Variants in MINK1 observed in about 807,000 individuals in gnomAD.
MINK1 encodes the protein misshapen-like kinase 1.
MINK1 carries 46 observed loss-of-function variants against 178.4 expected under a neutral mutation model. That is an observed-to-expected ratio of 0.26 (90% CI 0.20 to 0.33). The LOEUF is 0.33. Ranked by LOEUF, MINK1 falls within the 10% of genes least tolerant of loss-of-function variation. The pLI, the probability that MINK1 is intolerant of heterozygous loss-of-function variation, is 1.00. For synonymous variants in MINK1, 797 were observed against 709.7 expected (o/e 1.12, Z -1.96); for missense variants, 1,366 against 1,814.9 (o/e 0.75, Z 4.49).
chr17:4,895,701 A>C lies in MINK1; in HGVS notation c.3233A>C (p.Lys1078Thr). 1 of 1,613,290 alleles carries C rather than the reference A, an allele frequency of 6.2e-7. No individual in the cohort carries two copies. The highest frequency in any genetic ancestry group is 8.5e-7 in the Non-Finnish European group (1 of 1,179,602). The change falls in exon 27 of 32, where the codon AAA (lysine) becomes ACA (threonine). Residue 1078 changes from lysine to threonine, a missense_variant. By Grantham distance (78) the Lys-to-Thr change is moderately conservative. Coordinates refer to ENST00000355280, the MANE Select transcript of MINK1 (RefSeq NM_153827.5). This position sits in a 1 kb window ranked among gnomAD's most constrained non-coding sequence, Gnocchi z 4.3. ...GLNLLITISG[K>T]RNKLRVYYLS... ...TGTATGTCTGTCCGTCCCTCAGGGAAAAGGAACAAACTGCGGGTGTATTAC... is the reference window on the plus strand; with the variant it reads ...TGTATGTCTGTCCGTCCCTCAGGGACAAGGAACAAACTGCGGGTGTATTAC...
intron 2 of MINK1, among the ~76,000 whole-genome samples, chr17:4,880,540 G>A (rs1967598766): frequency 6.7e-6 from 1 of 149,088 alleles, no homozygotes; most frequent in East Asian, 2.0e-4. Flanking sequence ...GCCTGCCTCG[G>A]CCTCCCAAAG....
chr17:4,892,342 AG>A (rs1968917723), intron 17 of MINK1, 59 bp from the exon 18 acceptor site: 7 of 1,451,874 alleles, frequency 4.8e-6, no homozygotes, highest in Non-Finnish European at 5.6e-6. Context: ...GGAAAGCCCC[AG>A]CCCCATCACC....
intron 21 of MINK1, 133 bp from the exon 22 acceptor site, chr17:4,893,855 C>T: frequency 1.1e-6 from 1 of 875,810 alleles, no homozygotes; most frequent in Non-Finnish European, 1.7e-6. Context: ...GGAGCAGGGG[C>T]TACACCGTGA....
chr17:4,885,376 C>A lies in MINK1; in HGVS notation c.509-107C>A. On this transcript the variant is annotated intron_variant, in intron 6 of 31. Coordinates refer to ENST00000355280, the MANE Select transcript of MINK1 (RefSeq NM_153827.5). This position sits in a 1 kb window ranked among gnomAD's most constrained non-coding sequence, Gnocchi z 5.0. ...AGGGTGCTGGGGTGTCTGGGTCGGG[C>A]CAGGACCACAGCTGGCTCAGGCAAG... The A allele has an allele frequency of 1.3e-6, 2 of 1,485,706 alleles. No homozygotes were observed. Among genetic ancestry groups the A allele is most frequent in the East Asian group, 2.3e-5 (1 of 44,006 alleles). The allele number at this position is 1,485,706 out of a possible 1,614,324, so 92.0% of individuals were successfully genotyped here. A position where few individuals can be genotyped will look rare whatever the true frequency, so the allele number is the denominator to read the frequency against.
intron 1 of MINK1, among the ~76,000 whole-genome samples, chr17:4,859,863 T>TA (rs112114937): frequency 2.0e-4 from 29 of 142,604 alleles, no homozygotes; most frequent in Non-Finnish European, 2.6e-4. Context: ...CTAAAGTACT[T>TA]AAAAAAAAAA....
chr17:4,896,544 T>G lies in MINK1; in HGVS notation c.3731T>G (p.Ile1244Ser), dbSNP rs758096782. Residue 1244 changes from isoleucine (I) to serine (S), a missense_variant, in exon 30 of 32, where the codon ATT becomes AGT. By Grantham distance (142) the Ile-to-Ser change is moderately radical. Around this residue, in one of 14 missense-constraint regions of MINK1, gnomAD observed 201 missense variants for 240.7 expected, o/e 0.84. Coordinates refer to ENST00000355280, the MANE Select transcript of MINK1 (RefSeq NM_153827.5). The surrounding 1 kb of genome is among the most constrained non-coding windows in gnomAD (Gnocchi z 4.6). Reference protein sequence around the residue: ...GVYVNTYGRIIKDVVLQWGEM... With the variant: ...GVYVNTYGRISKDVVLQWGEM... ...TACGTCAACACGTACGGGCGCATCA[T>G]TAAGGATGTGGTGCTGCAGTGGGGG... The G allele has an allele frequency of 6.2e-7, 1 of 1,613,918 alleles. No homozygotes were observed.
chr17:4,859,951 C>G (rs997702946), intron 1 of MINK1, among the ~76,000 whole-genome samples: 2 of 151,684 alleles, frequency 1.3e-5, no homozygotes, highest in Non-Finnish European at 1.5e-5. Flanking sequence ...GAGCCGGGTA[C>G]AGAGGGAAGG....
intron 1 of MINK1, among the ~76,000 whole-genome samples, chr17:4,865,203 G>A (rs892928656): frequency 2.0e-5 from 3 of 152,064 alleles, no homozygotes; most frequent in Non-Finnish European, 4.4e-5. Flanking sequence ...GGCCGAGGCG[G>A]GCAGATCACC....
rs773425376 is a variant in MINK1, at chr17:4,896,981, T to C, written c.3915+168T>C. 27 of 1,033,966 alleles carry C rather than the reference T, an allele frequency of 2.6e-5. No individual in the cohort carries two copies. The highest frequency in any genetic ancestry group is 3.7e-5 in the Non-Finnish European group (27 of 723,592). 64.0% of individuals were successfully genotyped at this position (1,033,966 alleles called of 1,614,324 possible). ...ACCACTGCCCTGCGCTCCCTTCAGA[T>C]TCCGAGGACTTCCCAGCTGGCCCCC... On this transcript the variant is annotated intron_variant, in intron 31 of 31. Coordinates refer to ENST00000355280, the MANE Select transcript of MINK1 (RefSeq NM_153827.5). The surrounding 1 kb of genome is among the most constrained non-coding windows in gnomAD (Gnocchi z 4.6).
chr17:4,891,458 C>G lies in MINK1; in HGVS notation c.1743C>G (p.Ser581Arg), dbSNP rs758847172. 9 of 1,572,060 alleles carry G rather than the reference C, an allele frequency of 5.7e-6. No homozygotes were observed. The South Asian group carries it at 8.2e-5, about 14-fold the overall frequency. Residue 581 changes from serine to arginine, a missense_variant and splice_region_variant, in exon 16 of 32, where the codon AGC becomes AGG. Ser to Arg is a moderately radical substitution (Grantham distance 110). Coordinates refer to ENST00000355280, the MANE Select transcript of MINK1 (RefSeq NM_153827.5). Reference protein sequence around the residue: ...PVEPQEGPHKSLVAHRVPLKP... With the variant: ...PVEPQEGPHKRLVAHRVPLKP... The stretch of plus-strand genomic sequence containing the variant: ...CCCTCCCTGGTCTCTCCCTGCAGAG[C>G]CTGGTGGCACACCGGGTCCCACTGA...
In MINK1 at chr17:4,893,226, T is replaced by TCCTAACCTCG. The variant is rs1969053081; in HGVS notation, c.2400+160_2400+161insCTAACCTCGC. 8 of 1,531,662 alleles carry TCCTAACCTCG rather than the reference T, an allele frequency of 5.2e-6. No individual in the cohort carries two copies. The East Asian group carries it at 1.3e-4, about 26-fold the overall frequency. The allele number at this position is 1,531,662 out of a possible 1,614,324, so 94.9% of individuals were successfully genotyped here. A position where few individuals can be genotyped will look rare whatever the true frequency, so the allele number is the denominator to read the frequency against. ...CATGGTGCTAACCTTTCCTAACCTCTCTCCTAACCTCTCTCCTAACCTCTC... is the reference window on the plus strand; with the variant it reads ...CATGGTGCTAACCTTTCCTAACCTCTCCTAACCTCGCTCCTAACCTCTCTCCTAACCTCTC... On this transcript the variant is annotated intron_variant, in intron 20 of 31. Coordinates refer to ENST00000355280, the MANE Select transcript of MINK1 (RefSeq NM_153827.5).
In MINK1 at chr17:4,892,734, C is replaced by T. The variant is rs56291861; in HGVS notation, c.2277C>T (p.Pro759=). The change falls in exon 19 of 32, where the codon CCC becomes CCT. Residue 759 remains proline, a synonymous_variant. Transcript: ENST00000355280. The part of the protein sequence containing the change: ...SVLPASHGHL[P]QAGSLERNRV... ...TTCCAGCCTCTCACGGGCACCTCCC[C>T]CAGGCTGGCTCACTGGAGCGGAACC... The T allele has an allele frequency of 6.2e-7, 1 of 1,611,894 alleles. No individual in the cohort carries two copies. The highest frequency in any genetic ancestry group is 1.7e-4 in the Middle Eastern group (1 of 6,058).
In MINK1 at chr17:4,894,551, C is replaced by T. The variant is rs1449766593; in HGVS notation, c.2835C>T (p.Ala945=). The T allele has an allele frequency of 6.2e-7, 1 of 1,607,004 alleles. No homozygotes were observed. ...GDYQSRGLVK[A]PGKSSFTMFV... is the part of the protein sequence containing the mutation. ...ACCAGTCTCGTGGGCTGGTAAAGGCCCCTGGCAAGAGCTCGTTCACGATGT... is the reference window on the plus strand; with the variant it reads ...ACCAGTCTCGTGGGCTGGTAAAGGCTCCTGGCAAGAGCTCGTTCACGATGT... The change falls in exon 24 of 32, where the codon GCC becomes GCT. Residue 945 remains alanine (A), a synonymous_variant. Transcript: ENST00000355280. This position sits in a 1 kb window ranked among gnomAD's most constrained non-coding sequence, Gnocchi z 4.1.
chr17:4,895,274 C>G lies in MINK1; in HGVS notation c.3085+32C>G. On this transcript the variant is annotated intron_variant, in intron 25 of 31. Coordinates refer to ENST00000355280, the MANE Select transcript of MINK1 (RefSeq NM_153827.5). The surrounding 1 kb of genome is among the most constrained non-coding windows in gnomAD (Gnocchi z 4.3). Reference sequence around the variant, plus strand: ...CAGGGCAGGGACAGCTGAGGAGGCTCTGGCGTGGCTCTTGTGCTCCTGGTT... The same window carrying G: ...CAGGGCAGGGACAGCTGAGGAGGCTGTGGCGTGGCTCTTGTGCTCCTGGTT... The G allele has an allele frequency of 2.5e-6, 4 of 1,612,174 alleles. No individual in the cohort carries two copies. The South Asian group carries it at 4.4e-5, about 18-fold the overall frequency.
chr17:4,852,023 A>AAC (rs1912076463), intron 1 of MINK1, among the ~76,000 whole-genome samples: 1 of 133,910 alleles, frequency 7.5e-6, no homozygotes, highest in Non-Finnish European at 1.6e-5. Context: ...AAAAAAAAAA[A>AAC]AAAACTAAGA....
intron 1 of MINK1, among the ~76,000 whole-genome samples, chr17:4,865,548 C>A (rs183135667): frequency 1.1e-3 from 166 of 151,618 alleles, no homozygotes; most frequent in African/African-American, 3.9e-3. Flanking sequence ...CTATGTGGAA[C>A]AGCTACATAG....
rs187934334 is a variant in MINK1, at chr17:4,884,264, C to G, written c.307-99C>G. On this transcript the variant is annotated intron_variant, in intron 4 of 31. Coordinates refer to ENST00000355280, the MANE Select transcript of MINK1 (RefSeq NM_153827.5). ...CTCATACCAGTTCTAACCCCAAGGT[C>G]TCTTATCCTCCTCCAGGAGTCTAGC... is the stretch of plus-strand genomic sequence containing the variant. 1.6e-3 allele frequency: 1,416 copies of G among 897,380 alleles called. 3 individuals carry two copies. Among genetic ancestry groups the G allele is most frequent in the Non-Finnish European group, 1.4e-3 (776 of 556,632 alleles). 55.6% of individuals were successfully genotyped at this position (897,380 alleles called of 1,614,324 possible).
At position 4,837,967 on chromosome 17, in the gene MINK1, C is replaced by T. The variant is rs546024097; in HGVS notation, c.57+4327C>T. 2.6e-5 allele frequency among the ~76,000 whole-genome samples: 4 copies of T among 152,234 alleles called. No individual in the cohort carries two copies. In the East Asian group the frequency reaches 5.8e-4, roughly 22 times the overall value. On this transcript the variant is annotated intron_variant, in intron 1 of 31. Coordinates refer to ENST00000355280, the MANE Select transcript of MINK1 (RefSeq NM_153827.5). ...CTTCATGCGGCTGTGGAGCCAGCACCACTCGGAAAGCTGGCAGTTCTGGGC... is the reference window on the plus strand; with the variant it reads ...CTTCATGCGGCTGTGGAGCCAGCACTACTCGGAAAGCTGGCAGTTCTGGGC...
chr17:4,859,390 T>C, intron 1 of MINK1: 2 of 832,128 alleles, frequency 2.4e-6, no homozygotes, highest in Non-Finnish European at 2.9e-6. Context: ...TCTTACTCTT[T>C]ATATTTTAGC....
Sources: gnomAD v4.1 joint callset for allele counts (sites outside exome capture counted in the v4.1 genomes callset) on GRCh38, gnomAD v4.1.1 for gene constraint, gnomAD v4.1.1 regional missense constraint, Gnocchi (gnomAD v3.1) non-coding constraint, MANE v1.5 for transcripts, NCBI Gene and HGNC (gene_info 2026-07-23, HGNC 2026-07-21) for gene names.